HOMER1: variants seen among roughly 807,000 people sequenced by gnomAD.
The protein encoded by HOMER1 is homer protein homolog 1.
Under a neutral mutation model 48.9 loss-of-function variants are expected in HOMER1, and 3 were observed. The observed-to-expected ratio is 0.06, with a 90% confidence interval of 0.03 to 0.16. The LOEUF (loss-of-function observed/expected upper bound fraction) is 0.16. Ranked by LOEUF, HOMER1 falls within the 10% of genes least tolerant of loss-of-function variation. The pLI, the probability that HOMER1 is intolerant of heterozygous loss-of-function variation, is 1.00. For synonymous variants in HOMER1, 134 were observed against 146.4 expected (o/e 0.92, Z 0.61); for missense variants, 247 against 411.4 (o/e 0.60, Z 3.46).
chr5:79,411,614 T>A (rs1287031468), intron 5 of HOMER1, among the ~76,000 whole-genome samples: 2 of 152,216 alleles, frequency 1.3e-5, no homozygotes, highest in African/African-American at 4.8e-5. Flanking sequence ...GCTTAATGTA[T>A]GAGCAATATA....
intron 5 of HOMER1, among the ~76,000 whole-genome samples, chr5:79,420,457 C>A (rs1750065831): frequency 6.6e-6 from 1 of 152,180 alleles, no homozygotes; most frequent in Admixed American, 6.5e-5. Flanking sequence ...CCACAAGGAG[C>A]CTACTTTCAT....
At chr5:79,462,102 G>C (rs1440379861) in intron 1 of HOMER1, among the ~76,000 whole-genome samples, 1 of 152,032 alleles carries the variant, frequency 6.6e-6, no homozygotes, top group Admixed American at 6.6e-5. Context: ...AGGAGGCTGC[G>C]GCAGGAGAAT....
chr5:79,426,578 A>G (rs1750263006), intron 5 of HOMER1, among the ~76,000 whole-genome samples: 1 of 152,118 alleles, frequency 6.6e-6, no homozygotes, highest in African/African-American at 2.4e-5. Context: ...TCTTATTCAT[A>G]TGTAGAAGCT....
At chr5:79,439,720 T>C (rs1177551536) in intron 4 of HOMER1, among the ~76,000 whole-genome samples, 1 of 152,178 alleles carries the variant, frequency 6.6e-6, no homozygotes, top group East Asian at 1.9e-4. Flanking sequence ...ATAATGATGT[T>C]AGTGCATTTC....
At chr5:79,507,666 A>T (rs2112384186) in intron 1 of HOMER1, among the ~76,000 whole-genome samples, 1 of 152,230 alleles carries the variant, frequency 6.6e-6, no homozygotes, top group Admixed American at 6.5e-5. Context: ...CTGAAATAAC[A>T]ATCCAGTAAC....
intron 5 of HOMER1, among the ~76,000 whole-genome samples, chr5:79,438,371 T>A (rs1750650342): frequency 1.3e-5 from 2 of 152,244 alleles, no homozygotes. Flanking sequence ...CAATAATGAA[T>A]GTAACTGGTT....
intron 8 of HOMER1, among the ~76,000 whole-genome samples, chr5:79,387,214 A>G (rs1749141527): frequency 6.6e-6 from 1 of 151,680 alleles, no homozygotes. Context: ...TGCAGCCTCA[A>G]CCTTCTGGGC....
At chr5:79,433,219 T>A (rs1333035569) in intron 5 of HOMER1, among the ~76,000 whole-genome samples, 3 of 152,154 alleles carry the variant, frequency 2.0e-5, no homozygotes, top group African/African-American at 7.2e-5. Flanking sequence ...TTAACAGCCA[T>A]TCACTTTTTT....
intron 5 of HOMER1, among the ~76,000 whole-genome samples, chr5:79,427,542 C>T (rs894440696): frequency 6.6e-6 from 1 of 152,162 alleles, no homozygotes; most frequent in Non-Finnish European, 1.5e-5. Context: ...GCGTGCACTA[C>T]CACACTCAGA....
At chr5:79,429,839 C>T (rs1427732341) in intron 5 of HOMER1, among the ~76,000 whole-genome samples, 4 of 151,998 alleles carry the variant, frequency 2.6e-5, no homozygotes, top group Admixed American at 2.0e-4. Context: ...CTGGCTAACA[C>T]GGTGAAACCC....
intron 5 of HOMER1, among the ~76,000 whole-genome samples, chr5:79,427,899 AT>A (rs1284694269): frequency 6.6e-6 from 1 of 151,880 alleles, no homozygotes; most frequent in Non-Finnish European, 1.5e-5. Context: ...AAGGAAAAAA[AT>A]CAACTAAACC....
chr5:79,429,842 T>C (rs1750370649), intron 5 of HOMER1, among the ~76,000 whole-genome samples: 1 of 151,932 alleles, frequency 6.6e-6, no homozygotes, highest in African/African-American at 2.4e-5. Context: ...GCTAACACGG[T>C]GAAACCCCGT....
chr5:79,492,469 C>G (rs1020683269), intron 1 of HOMER1, among the ~76,000 whole-genome samples: 1 of 151,750 alleles, frequency 6.6e-6, no homozygotes, highest in African/African-American at 2.4e-5. Context: ...AATCAATTAA[C>G]TTCTGTGACT....
At chr5:79,376,369 G>T (rs1748773324) in intron 8 of HOMER1, among the ~76,000 whole-genome samples, 172 bp from the exon 9 acceptor site, 1 of 152,110 alleles carries the variant, frequency 6.6e-6, no homozygotes, top group African/African-American at 2.4e-5. Context: ...CCATCCCAGA[G>T]AGCAATACGA....
chr5:79,424,105 G>A lies in HOMER1; in HGVS notation c.527+14905C>T, dbSNP rs1750177710. Among the ~76,000 whole-genome samples, 4 of 152,114 alleles carry A rather than the reference G, an allele frequency of 2.6e-5. No homozygotes were observed. In the South Asian group the frequency reaches 8.3e-4, roughly 32 times the overall value. ...TTTTAAATACCAGAAAAGCAATACT[G>A]TTAAGGTAATGACTAATTCTGTTAT... On this transcript the variant is annotated intron_variant, in intron 5 of 8. Transcript: ENST00000334082.
At chr5:79,491,132 G>C (rs1752264782) in intron 1 of HOMER1, among the ~76,000 whole-genome samples, 1 of 91,534 alleles carries the variant, frequency 1.1e-5, no homozygotes. Context: ...TCTTTATTTA[G>C]AAGTTAAAGA....
chr5:79,415,109 A>T (rs1007767760), intron 5 of HOMER1, among the ~76,000 whole-genome samples: 12 of 152,116 alleles, frequency 7.9e-5, no homozygotes, highest in Admixed American at 1.3e-4. Flanking sequence ...GCAGGAGTGC[A>T]GTGGTGCAAT....
chr5:79,491,828 T>G (rs1036301748), intron 1 of HOMER1, among the ~76,000 whole-genome samples: 1 of 151,790 alleles, frequency 6.6e-6, no homozygotes. Context: ...TTAAGCAAAC[T>G]TGTTTATTTT....
At chr5:79,401,770 A>G in intron 6 of HOMER1, 129 bp downstream of exon 6, 1 of 850,830 alleles carries the variant, frequency 1.2e-6, no homozygotes, top group Non-Finnish European at 1.8e-6. Flanking sequence ...TGCATATCAT[A>G]CAACCCATAT....
Sources: gnomAD v4.1 joint callset for allele counts (sites outside exome capture counted in the v4.1 genomes callset) on GRCh38, gnomAD v4.1.1 for gene constraint, MANE v1.5 for transcripts, NCBI Gene and HGNC (gene_info 2026-07-23, HGNC 2026-07-21) for gene names.